Variants in DEAF1 observed in about 807,000 individuals in gnomAD.
The protein encoded by DEAF1 is deformed epidermal autoregulatory factor 1 homolog.
In DEAF1, 53 loss-of-function variants were observed where a neutral mutation model predicts 58.9. The ratio of observed to expected loss-of-function variants is 0.90; its 90% CI spans 0.72 to 1.13. The LOEUF is 1.13. Ranked by LOEUF, DEAF1 falls within the 50% of genes most tolerant of loss-of-function variation. DEAF1 has a pLI of 0.00. For synonymous variants in DEAF1, 385 were observed against 340.4 expected (o/e 1.13, Z -1.44); for missense variants, 685 against 791.4 (o/e 0.87, Z 1.61).
At chr11:701,394 G>A (rs1199450061) in intron 1 of DEAF1, among the ~76,000 whole-genome samples, 6 of 140,502 alleles carry the variant, frequency 4.3e-5, no homozygotes, top group African/African-American at 1.6e-4. Flanking sequence ...TGGTAGAGAC[G>A]AGACAAGGTT....
chr11:662,022 C>T (rs1168228729), intron 10 of DEAF1, among the ~76,000 whole-genome samples: 1 of 152,154 alleles, frequency 6.6e-6, no homozygotes, highest in South Asian at 2.1e-4. Context: ...ATGGGCCGGG[C>T]GCGGTGGCTC....
At chr11:695,480 G>A, upstream of DEAF1, 1 of 713,574 alleles carries the variant, frequency 1.4e-6, no homozygotes, top group Non-Finnish European at 1.9e-6. Context: ...GCAGATTCTC[G>A]CCGGCGGCCG....
chr11:704,770 C>A, intron 1 of DEAF1: 2 of 688,102 alleles, frequency 2.9e-6, no homozygotes, highest in South Asian at 1.7e-5. Context: ...TGGACTGTCT[C>A]CTGAGGGCAG....
At chr11:687,793 G>T in intron 4 of DEAF1, 118 bp downstream of exon 4, 1 of 1,418,412 alleles carries the variant, frequency 7.1e-7, no homozygotes, top group Non-Finnish European at 9.9e-7. Flanking sequence ...ACCGCGCCCA[G>T]CCCTGTCTTC....
chr11:694,224 G>A (rs1436396237), intron 1 of DEAF1, among the ~76,000 whole-genome samples: 1 of 151,854 alleles, frequency 6.6e-6, no homozygotes, highest in African/African-American at 2.4e-5. Flanking sequence ...AGAAAAGGGG[G>A]GCAGGGGGCA....
At chr11:658,500 C>T (rs192383399) in intron 10 of DEAF1, among the ~76,000 whole-genome samples, 94 of 152,270 alleles carry the variant, frequency 6.2e-4, no homozygotes, top group African/African-American at 2.1e-3. Flanking sequence ...TAGGACAAGA[C>T]ACCGCGTTTC....
At chr11:654,539 T>TTC (rs1192942318) in intron 10 of DEAF1, 1 of 455,380 alleles carries the variant, frequency 2.2e-6, no homozygotes, top group Non-Finnish European at 4.4e-6. Context: ...ATCAGCTCTT[T>TTC]CCTGGCCTCA....
intron 11 of DEAF1, among the ~76,000 whole-genome samples, chr11:648,271 T>C (rs973741935): frequency 6.7e-5 from 10 of 148,996 alleles, no homozygotes; most frequent in Non-Finnish European, 1.2e-4. Flanking sequence ...CTCGGCTCAC[T>C]GCAAGCTCCG....
At chr11:704,291 C>T (rs182028321) in intron 1 of DEAF1, 16,266 of 678,754 alleles carry the variant, frequency 0.024, 332 homozygotes, top group South Asian at 0.061. Context: ...CAGGAGGCTG[C>T]GGGACTGTCC....
chr11:665,767 G>C (rs1258488161), intron 10 of DEAF1: 3 of 152,222 alleles, frequency 2.0e-5, no homozygotes, highest in Non-Finnish European at 2.9e-5. Context: ...AGCCAGGAAG[G>C]CTTCTCCTGG....
At position 681,085 on chromosome 11, in the gene DEAF1, C is replaced by G; in HGVS notation, c.875G>C (p.Gly292Ala). ...AACCDDMTLS[G>A]PVRLFVPYKR... Reference sequence around the variant, plus strand: ...GTAAGGCACAAAAAGCCTGACTGGGCCACTCTGGGGGAGAAAGGAGAGAGG... The same window carrying G: ...GTAAGGCACAAAAAGCCTGACTGGGGCACTCTGGGGGAGAAAGGAGAGAGG... Residue 292 changes from glycine to alanine, a missense_variant, in exon 7 of 12, where the codon GGC (glycine) becomes GCC (alanine). Gly to Ala is a moderately conservative substitution (Grantham distance 60). Transcript: ENST00000382409. 1.2e-6 allele frequency: 2 copies of G among 1,613,970 alleles called. No individual in the cohort carries two copies. Among genetic ancestry groups the G allele is most frequent in the Non-Finnish European group, 1.7e-6 (2 of 1,180,012 alleles).
In DEAF1 at chr11:695,093, G is replaced by A. The variant is rs1428724605; in HGVS notation, c.-46C>T. On this transcript the variant is annotated 5_prime_UTR_variant, in exon 1 of 12. Coordinates refer to ENST00000382409, the MANE Select transcript of DEAF1 (RefSeq NM_021008.4). Reference sequence around the variant, plus strand: ...CCGAAGGCGCCGTCCGGGACCGCCCGAAGCGCCGGTCGCGGAGCCCGAAGC... The same window carrying A: ...CCGAAGGCGCCGTCCGGGACCGCCCAAAGCGCCGGTCGCGGAGCCCGAAGC... 7.1e-7 allele frequency: 1 copy of A among 1,405,482 alleles called. No individual in the cohort carries two copies. The highest frequency in any genetic ancestry group is 9.2e-7 in the Non-Finnish European group (1 of 1,081,956). The allele number at this position is 1,405,482 out of a possible 1,614,324, so 87.1% of individuals were successfully genotyped here. A position where few individuals can be genotyped will look rare whatever the true frequency, so the allele number is the denominator to read the frequency against.
chr11:699,011 G>T (rs1247321914), upstream of DEAF1: 4 of 1,191,770 alleles, frequency 3.4e-6, no homozygotes, highest in East Asian at 2.3e-5. Flanking sequence ...TTTGGAGAGG[G>T]GGGTGTTCCT....
At chr11:667,347 G>GGGAGGGAT (rs1373045958) in intron 10 of DEAF1, among the ~76,000 whole-genome samples, 1 of 138,524 alleles carries the variant, frequency 7.2e-6, no homozygotes, top group African/African-American at 3.1e-5. Context: ...AAGGAAGGAA[G>GGGAGGGAT]GGAGGGATGG....
In DEAF1 at chr11:682,921, G is replaced by A. The variant is rs183493730; in HGVS notation, c.871-1832C>T. The stretch of plus-strand genomic sequence containing the variant: ...CATATCCCTTGACCGGGAACTGCAA[G>A]GAGTGGGAACCGTTTTCTTGGTCAC... On this transcript the variant is annotated intron_variant, in intron 6 of 11. Coordinates refer to ENST00000382409, the MANE Select transcript of DEAF1 (RefSeq NM_021008.4). 1.7e-4 allele frequency among the ~76,000 whole-genome samples: 26 copies of A among 152,266 alleles called. No individual in the cohort carries two copies. The East Asian group carries it at 4.0e-3, about 24-fold the overall frequency.
chr11:650,373 CAAAAAAAAA>C (rs796351710), intron 11 of DEAF1, among the ~76,000 whole-genome samples: 2 of 22,246 alleles, frequency 9.0e-5, no homozygotes, highest in Admixed American at 5.3e-4. Context: ...CAGTCCGTCT[CAAAAAAAAA>C]AAAAAAAAAA....
chr11:653,608 GTCTC>G (rs758441168), intron 11 of DEAF1, among the ~76,000 whole-genome samples: 87 of 137,292 alleles, frequency 6.3e-4, no homozygotes, highest in Non-Finnish European at 9.5e-4. Context: ...ACTGTGGACA[GTCTC>G]TCTCACGTGG....
In DEAF1 at chr11:688,601, T is replaced by C. The variant is rs1406702444; in HGVS notation, c.388-141A>G. On this transcript the variant is annotated intron_variant, in intron 2 of 11. Coordinates refer to ENST00000382409, the MANE Select transcript of DEAF1 (RefSeq NM_021008.4). This position sits in a 1 kb window ranked among gnomAD's most constrained non-coding sequence, Gnocchi z 4.3. ...CGCTCACCTAGGCACCCCATATCTT[T>C]TCCAAAGATACCTCTCAAAGACTTG... The C allele has an allele frequency of 1.0e-6, 1 of 957,232 alleles. No homozygotes were observed. Among genetic ancestry groups the C allele is most frequent in the African/African-American group, 1.6e-5 (1 of 61,672 alleles). 59.3% of individuals were successfully genotyped at this position (957,232 alleles called of 1,614,324 possible).
intron 1 of DEAF1, 21 bp downstream of exon 1, chr11:694,738 G>C (rs1861030466): frequency 7.7e-7 from 1 of 1,291,804 alleles, no homozygotes; most frequent in South Asian, 2.4e-5. Context: ...GACGAGGCGA[G>C]AGGCCGGCGG....
Sources: allele counts gnomAD v4.1 joint callset (sites outside exome capture counted in the v4.1 genomes callset), GRCh38; gene constraint gnomAD v4.1.1; non-coding constraint Gnocchi (gnomAD v3.1); transcripts MANE v1.5; gene names NCBI Gene and HGNC (gene_info 2026-07-23, HGNC 2026-07-21).